Variants in ARHGAP26 observed in about 807,000 individuals in gnomAD.
ARHGAP26 encodes rho GTPase-activating protein 26.
In ARHGAP26, 38 loss-of-function variants were observed where a neutral mutation model predicts 104.8. The ratio of observed to expected loss-of-function variants is 0.36; its 90% confidence interval spans 0.28 to 0.48. The LOEUF (loss-of-function observed/expected upper bound fraction) is 0.48, where lower values mean the gene tolerates loss of function less well. Ranked by LOEUF, ARHGAP26 falls within the 20% of genes least tolerant of loss-of-function variation. The pLI is 0.99. For synonymous variants in ARHGAP26, 341 were observed against 340.0 expected, an observed-to-expected ratio of 1.00 and a Z score of -0.03; for missense variants, 704 against 947.9, an observed-to-expected ratio of 0.74 and a Z score of 3.38.
chr5:142,922,258 T>C (rs1273601299), intron 10 of ARHGAP26: 1 of 152,210 alleles, frequency 6.6e-6, no homozygotes, highest in African/African-American at 2.4e-5. Context: ...TGTGAAATTG[T>C]GTGACTGAGA....
At chr5:143,138,876 C>T (rs531907434) in intron 19 of ARHGAP26, among the ~76,000 whole-genome samples, 63 of 152,320 alleles carry the variant, frequency 4.1e-4, no homozygotes, top group African/African-American at 1.4e-3. Context: ...AGTGTACGCT[C>T]AGGGTTACAC....
intron 20 of ARHGAP26, among the ~76,000 whole-genome samples, chr5:143,161,212 G>C (rs1391575963): frequency 6.6e-6 from 1 of 151,730 alleles, no homozygotes; most frequent in Non-Finnish European, 1.5e-5. Flanking sequence ...GGGTTTTACC[G>C]TGTTGGCCAG....
intron 20 of ARHGAP26, among the ~76,000 whole-genome samples, chr5:143,167,396 C>T (rs76733352): frequency 0.09 from 12,482 of 138,042 alleles, 710 homozygotes; most frequent in African/African-American, 0.16. Flanking sequence ...ACATGAGAAT[C>T]ACTTGAACCC....
chr5:142,960,693 T>G (rs1770087358), intron 11 of ARHGAP26, among the ~76,000 whole-genome samples: 1 of 152,228 alleles, frequency 6.6e-6, no homozygotes, highest in Non-Finnish European at 1.5e-5. Flanking sequence ...AGGCTAAGCT[T>G]AATTTATTGA....
chr5:142,999,034 A>C (rs1215908014), intron 11 of ARHGAP26, among the ~76,000 whole-genome samples: 1 of 152,228 alleles, frequency 6.6e-6, no homozygotes, highest in Non-Finnish European at 1.5e-5. Flanking sequence ...CAGGACCTAA[A>C]GGGGTTCATT....
At chr5:143,027,621 A>G (rs1016692729) in intron 12 of ARHGAP26, among the ~76,000 whole-genome samples, 3 of 152,228 alleles carry the variant, frequency 2.0e-5, no homozygotes, top group African/African-American at 7.2e-5. Context: ...TAGATTTCTA[A>G]TATTCATTAA....
intron 20 of ARHGAP26, among the ~76,000 whole-genome samples, chr5:143,155,320 C>T (rs1377551759): frequency 7.2e-5 from 11 of 152,128 alleles, no homozygotes; most frequent in Non-Finnish European, 7.4e-5. Flanking sequence ...AACTAGGCCA[C>T]GTTTCCTTGA....
intron 1 of ARHGAP26, among the ~76,000 whole-genome samples, chr5:142,800,955 G>T (rs1360835691): frequency 2.0e-5 from 3 of 152,166 alleles, no homozygotes; most frequent in African/African-American, 7.2e-5. Flanking sequence ...TATGACTCCT[G>T]TTCCTCCCTG....
intron 13 of ARHGAP26, among the ~76,000 whole-genome samples, chr5:143,040,328 A>G (rs748852510): frequency 3.9e-5 from 6 of 152,142 alleles, no homozygotes; most frequent in Non-Finnish European, 5.9e-5. Flanking sequence ...ACTTCTTTTT[A>G]TTCATTAGTT....
intron 17 of ARHGAP26, among the ~76,000 whole-genome samples, chr5:143,116,916 C>G (rs894775053): frequency 1.3e-5 from 2 of 152,222 alleles, no homozygotes; most frequent in African/African-American, 4.8e-5. Context: ...TCCACTGCTT[C>G]TCAGTGGATG....
intron 17 of ARHGAP26, among the ~76,000 whole-genome samples, chr5:143,119,080 A>G (rs1172710630): frequency 2.0e-5 from 3 of 152,056 alleles, no homozygotes; most frequent in African/African-American, 7.2e-5. Flanking sequence ...TCCCCAGGGG[A>G]GGTGTGAGAG....
chr5:143,085,173 C>A (rs1790396642), intron 17 of ARHGAP26, among the ~76,000 whole-genome samples: 1 of 151,868 alleles, frequency 6.6e-6, no homozygotes, highest in South Asian at 2.1e-4. Flanking sequence ...TTCTTCCTCT[C>A]TGTTAGAGGA....
chr5:143,089,393 A>G (rs1791075373), intron 17 of ARHGAP26, among the ~76,000 whole-genome samples: 1 of 152,180 alleles, frequency 6.6e-6, no homozygotes, highest in African/African-American at 2.4e-5. Flanking sequence ...TTACCGAACT[A>G]CTTTCTATTC....
intron 20 of ARHGAP26, among the ~76,000 whole-genome samples, chr5:143,195,818 T>G (rs975314010): frequency 6.6e-6 from 1 of 152,008 alleles, no homozygotes; most frequent in African/African-American, 2.4e-5. Context: ...AGACTTTTTT[T>G]TTTTTGTAAT....
At chr5:143,058,174 A>T in intron 17 of ARHGAP26, 1 of 424,662 alleles carries the variant, frequency 2.4e-6, no homozygotes, top group Non-Finnish European at 4.6e-6. Flanking sequence ...TGACTCTGTT[A>T]TTAACCTGCT....
chr5:143,137,392 A>C (rs1362315161), intron 19 of ARHGAP26, among the ~76,000 whole-genome samples: 2 of 152,246 alleles, frequency 1.3e-5, no homozygotes, highest in South Asian at 4.1e-4. Context: ...CTTGCCGTTC[A>C]TGTCAGTTTC....
chr5:143,100,859 T>A (rs1173589731), intron 17 of ARHGAP26, among the ~76,000 whole-genome samples: 4 of 152,116 alleles, frequency 2.6e-5, no homozygotes, highest in South Asian at 2.1e-4. Flanking sequence ...GGGAGGCCAA[T>A]GCGGGAGGAT....
intron 20 of ARHGAP26, among the ~76,000 whole-genome samples, chr5:143,183,358 C>A (rs1221483513): frequency 6.6e-6 from 1 of 152,094 alleles, no homozygotes; most frequent in Non-Finnish European, 1.5e-5. Flanking sequence ...CTGATCTTAT[C>A]GTGGGGATTG....
chr5:142,808,236 GAAAAAAAAAAAAAAAAAAAAAAAAA>G (rs58550799), intron 1 of ARHGAP26, among the ~76,000 whole-genome samples: 5 of 32,672 alleles, frequency 1.5e-4, no homozygotes, highest in Non-Finnish European at 3.5e-4. Flanking sequence ...CATTGTCTCG[GAAAAAAAAAAAAAAAAAAAAAAAAA>G]AAAAAAAAAA....
Sources: gnomAD v4.1 joint callset for allele counts (sites outside exome capture counted in the v4.1 genomes callset) on GRCh38, gnomAD v4.1.1 for gene constraint, MANE v1.5 for transcripts, NCBI Gene and HGNC (gene_info 2026-07-23, HGNC 2026-07-21) for gene names.